The following FHIP2A variants were observed in gnomAD, a reference collection of about 807,000 sequenced individuals.
The protein encoded by FHIP2A is family with sequence similarity 160 member B1.
Under a neutral mutation model 93.5 loss-of-function variants are expected in FHIP2A, and 46 were observed. The ratio of observed to expected loss-of-function variants is 0.49; its 90% CI spans 0.39 to 0.63. The LOEUF (loss-of-function observed/expected upper bound fraction) is 0.63, where lower values mean the gene tolerates loss of function less well. Ranked by LOEUF, FHIP2A falls within the 20% of genes least tolerant of loss-of-function variation. The pLI, the probability that FHIP2A is intolerant of heterozygous loss-of-function variation, is 0.00. For missense variants in FHIP2A, 769 were observed against 909.7 expected (o/e 0.85, Z 1.99); for synonymous variants, 332 against 326.5 (o/e 1.02, Z -0.18).
At chr10:114,856,847 AT>A (rs1301068668) in intron 14 of FHIP2A, among the ~76,000 whole-genome samples, 1 of 152,182 alleles carries the variant, frequency 6.6e-6, no homozygotes. Flanking sequence ...GGCAAGAGAG[AT>A]TTCTAGTATT....
At chr10:114,823,376 A>C (rs956072583) in intron 1 of FHIP2A, among the ~76,000 whole-genome samples, 1 of 152,222 alleles carries the variant, frequency 6.6e-6, no homozygotes. Context: ...GACAACTTTT[A>C]GTTTTTACTT....
intron 13 of FHIP2A, among the ~76,000 whole-genome samples, chr10:114,850,391 C>A (rs1349126867): frequency 6.6e-6 from 1 of 152,132 alleles, no homozygotes; most frequent in Non-Finnish European, 1.5e-5. Flanking sequence ...TTAGCAGATA[C>A]TTGTACTCTT....
At chr10:114,839,671 G>A (rs958994241) in intron 5 of FHIP2A, among the ~76,000 whole-genome samples, 2 of 151,836 alleles carry the variant, frequency 1.3e-5, no homozygotes, top group Non-Finnish European at 2.9e-5. Flanking sequence ...AAGGTCAGGA[G>A]ATCAATCAAG....
chr10:114,849,111 G>C (rs1198971910), intron 13 of FHIP2A, among the ~76,000 whole-genome samples: 3 of 112,044 alleles, frequency 2.7e-5, no homozygotes, highest in Admixed American at 1.2e-4. Flanking sequence ...CTGGGCAAGA[G>C]AGCAAGACTC....
chr10:114,831,343 C>T (rs1169339374), intron 2 of FHIP2A, among the ~76,000 whole-genome samples: 1 of 152,106 alleles, frequency 6.6e-6, no homozygotes, highest in Non-Finnish European at 1.5e-5. Flanking sequence ...AACCTCATTG[C>T]CCAATATGAC....
chr10:114,898,850 C>T (rs148858412), intron 16 of FHIP2A, among the ~76,000 whole-genome samples: 64 of 152,276 alleles, frequency 4.2e-4, no homozygotes, highest in Non-Finnish European at 7.4e-4. Context: ...TATAAATGGT[C>T]TCAATGTATC....
chr10:114,860,867 C>A lies in FHIP2A; in HGVS notation c.2066C>A (p.Ser689Tyr). 6.2e-7 allele frequency: 1 copy of A among 1,613,632 alleles called. No homozygotes were observed. Among genetic ancestry groups the A allele is most frequent in the Middle Eastern group, 1.7e-4 (1 of 6,060 alleles). The change falls in exon 15 of 17, where the codon TCT becomes TAT. Residue 689 changes from serine to tyrosine, a missense_variant. By Grantham distance (144) the Ser-to-Tyr change is moderately radical. Transcript: ENST00000369248. ...GTGAACCTCGCTCCTGGCTGTAGATCTCTCTTCTCTGTAATTGTCAGGGTG... is the reference window on the plus strand; with the variant it reads ...GTGAACCTCGCTCCTGGCTGTAGATATCTCTTCTCTGTAATTGTCAGGGTG... ...PYVNLAPGCR[S>Y]LFSVIVRVVG...
chr10:114,847,063 T>G (rs2083705680), intron 11 of FHIP2A, 27 bp from the exon 12 acceptor site: 1 of 1,566,896 alleles, frequency 6.4e-7, no homozygotes, highest in South Asian at 1.2e-5. Flanking sequence ...AAATAGTGCT[T>G]TTTATGTGTC....
chr10:114,829,948 G>A (rs1418143198), intron 1 of FHIP2A, among the ~76,000 whole-genome samples: 2 of 152,126 alleles, frequency 1.3e-5, no homozygotes, highest in Admixed American at 6.5e-5. Context: ...GAGCATTTTT[G>A]ACTTTGTGGA....
intron 16 of FHIP2A, among the ~76,000 whole-genome samples, chr10:114,882,377 T>C (rs1401721687): frequency 6.6e-6 from 1 of 152,184 alleles, no homozygotes; most frequent in Non-Finnish European, 1.5e-5. Context: ...CTACATGGTA[T>C]ATATCCCAAT....
intron 16 of FHIP2A, among the ~76,000 whole-genome samples, chr10:114,880,328 C>T (rs533084568): frequency 6.6e-6 from 1 of 152,270 alleles, no homozygotes; most frequent in East Asian, 1.9e-4. Context: ...GCCATTGAAC[C>T]ATACACTTTA....
chr10:114,892,422 G>A (rs901737316), intron 16 of FHIP2A, among the ~76,000 whole-genome samples: 1 of 152,162 alleles, frequency 6.6e-6, no homozygotes, highest in Non-Finnish European at 1.5e-5. Context: ...TGGATCACCT[G>A]AGGTCAGGAG....
rs1446401903 is a variant in FHIP2A, at chr10:114,830,942, T to C, written c.124+12T>C. On this transcript the variant is annotated intron_variant, in intron 2 of 16. Transcript: ENST00000369248. Reference sequence around the variant, plus strand: ...CATAGAGACTTCAGGTAAGGAACAATGCTGATATTAACTGAAAATTTGTGA... The same window carrying C: ...CATAGAGACTTCAGGTAAGGAACAACGCTGATATTAACTGAAAATTTGTGA... The C allele has an allele frequency of 1.0e-5, 15 of 1,479,920 alleles. No homozygotes were observed. Among genetic ancestry groups the C allele is most frequent in the East Asian group, 4.8e-5 (2 of 41,956 alleles). 91.7% of individuals were successfully genotyped at this position (1,479,920 alleles called of 1,614,324 possible). A position where few individuals can be genotyped will look rare whatever the true frequency, so the allele number is the denominator to read the frequency against.
Position 114,864,042 on chromosome 10 carries a change from T to C in FHIP2A, c.*2502T>C. ...GTAACTTTCTCGTAATGTATCTGTT[T>C]GTGCAATATGGAAGCTGTGAGTGGA... On this transcript the variant is annotated 3_prime_UTR_variant, in exon 17 of 17. Coordinates refer to ENST00000369248, the MANE Select transcript of FHIP2A (RefSeq NM_020940.4). 14 of 993,582 alleles carry C rather than the reference T, an allele frequency of 1.4e-5. No individual in the cohort carries two copies. The highest frequency in any genetic ancestry group is 1.6e-5 in the Non-Finnish European group (13 of 835,060). The allele number at this position is 993,582 out of a possible 1,614,324, so 61.5% of individuals were successfully genotyped here. A position where few individuals can be genotyped will look rare whatever the true frequency, so the allele number is the denominator to read the frequency against.
intron 16 of FHIP2A, among the ~76,000 whole-genome samples, chr10:114,873,154 A>G (rs1221672547): frequency 6.6e-6 from 1 of 152,218 alleles, no homozygotes; most frequent in Non-Finnish European, 1.5e-5. Flanking sequence ...AGTGGTTGCT[A>G]TTAGGCTTTC....
chr10:114,867,590 T>C (rs2083835838), downstream of FHIP2A, among the ~76,000 whole-genome samples: 1 of 152,230 alleles, frequency 6.6e-6, no homozygotes, highest in Non-Finnish European at 1.5e-5. Flanking sequence ...GCGTTCTTTA[T>C]TGTCTCCTGG....
Position 114,858,832 on chromosome 10 carries a change from G to A in FHIP2A, c.1948-1917G>A, listed in dbSNP as rs141037342. Among the ~76,000 whole-genome samples the A allele has an allele frequency of 5.7e-3, 870 of 152,136 alleles. 8 individuals carry two copies. Among genetic ancestry groups the A allele is most frequent in the African/African-American group, 0.019 (799 of 41,518 alleles). On this transcript the variant is annotated intron_variant, in intron 14 of 16. Coordinates refer to ENST00000369248, the MANE Select transcript of FHIP2A (RefSeq NM_020940.4). ...AGTAGGGAAATTAGTTAACAAAAAC[G>A]TATTGTATATTTCAAAGGAGCTAGA...
intron 1 of FHIP2A, among the ~76,000 whole-genome samples, chr10:114,826,472 G>A (rs1228914285): frequency 1.3e-5 from 2 of 152,226 alleles, no homozygotes; most frequent in African/African-American, 4.8e-5. Flanking sequence ...TGTACATGAA[G>A]TGCTTAGTGC....
intron 16 of FHIP2A, among the ~76,000 whole-genome samples, chr10:114,872,653 C>T (rs1193435557): frequency 6.6e-6 from 1 of 152,106 alleles, no homozygotes; most frequent in East Asian, 1.9e-4. Context: ...ACAGTTTATG[C>T]CTATTGTCCT....
Sources: gnomAD v4.1 joint callset for allele counts (sites outside exome capture counted in the v4.1 genomes callset) on GRCh38, gnomAD v4.1.1 for gene constraint, MANE v1.5 for transcripts, NCBI Gene and HGNC (gene_info 2026-07-23, HGNC 2026-07-21) for gene names.